The following CRADD variants were observed in gnomAD, a reference collection of about 807,000 sequenced individuals.
The protein encoded by CRADD is CARD and death domain containing adaptor protein.
A neutral mutation model predicts 15.5 loss-of-function variants in CRADD; 9 were observed. That is an observed-to-expected ratio of 0.58 (90% CI 0.35 to 1.01). The LOEUF is 1.01. Ranked by LOEUF, CRADD falls within the 50% of genes least tolerant of loss-of-function variation. The pLI is 0.02. For synonymous variants in CRADD, 118 were observed against 107.6 expected (o/e 1.10, Z -0.60); for missense variants, 227 against 250.3 (o/e 0.91, Z 0.63).
chr12:93,809,408 T>C (rs1957593457), intron 2 of CRADD, among the ~76,000 whole-genome samples: 1 of 152,178 alleles, frequency 6.6e-6, no homozygotes, highest in Admixed American at 6.5e-5. Context: ...GGTAAAGATA[T>C]GGGGTTCTGG....
At chr12:93,741,953 A>G (rs1467975306) in intron 2 of CRADD, among the ~76,000 whole-genome samples, 1 of 152,134 alleles carries the variant, frequency 6.6e-6, no homozygotes, top group African/African-American at 2.4e-5. Context: ...CGTCTCCTCT[A>G]CACGCCATGA....
chr12:93,808,730 G>A (rs996522657), intron 2 of CRADD, among the ~76,000 whole-genome samples: 1 of 152,062 alleles, frequency 6.6e-6, no homozygotes, highest in African/African-American at 2.4e-5. Context: ...AGCCAATGCC[G>A]TTGAGTAGCT....
chr12:93,841,323 CTG>C (rs756813686), intron 2 of CRADD, among the ~76,000 whole-genome samples: 1 of 152,188 alleles, frequency 6.6e-6, no homozygotes, highest in Non-Finnish European at 1.5e-5. Flanking sequence ...GGAATAAAAA[CTG>C]TAGTATCCTC....
intron 2 of CRADD, among the ~76,000 whole-genome samples, chr12:93,892,632 GAC>G (rs1958584311): frequency 6.6e-6 from 1 of 152,164 alleles, no homozygotes; most frequent in African/African-American, 2.4e-5. Flanking sequence ...TGGGTGCCAG[GAC>G]AGTGATGCCT....
At chr12:93,707,380 G>C (rs752337685) in intron 2 of CRADD, among the ~76,000 whole-genome samples, 1 of 152,192 alleles carries the variant, frequency 6.6e-6, no homozygotes, top group African/African-American at 2.4e-5. Context: ...GTTTGTCTCT[G>C]ATCCACATGG....
intron 2 of CRADD, among the ~76,000 whole-genome samples, chr12:93,715,523 A>G (rs191834022): frequency 4.6e-5 from 7 of 152,286 alleles, no homozygotes; most frequent in Admixed American, 3.9e-4. Flanking sequence ...TTGTCAAAAA[A>G]CTATTTTTGG....
chr12:93,820,899 A>G (rs1222261562), intron 2 of CRADD, among the ~76,000 whole-genome samples: 2 of 152,142 alleles, frequency 1.3e-5, no homozygotes, highest in East Asian at 3.9e-4. Flanking sequence ...TGGCTGCATT[A>G]TCAAATAGCC....
intron 2 of CRADD, among the ~76,000 whole-genome samples, chr12:93,863,095 C>T (rs1167502895): frequency 1.3e-5 from 2 of 152,096 alleles, no homozygotes; most frequent in Non-Finnish European, 2.9e-5. Context: ...TATTATATGA[C>T]TTGTATCCTT....
At chr12:93,808,508 C>T (rs1478264592) in intron 2 of CRADD, among the ~76,000 whole-genome samples, 2 of 152,128 alleles carry the variant, frequency 1.3e-5, no homozygotes, top group African/African-American at 4.8e-5. Context: ...AGGGACACAG[C>T]AACACCACAT....
chr12:93,822,729 G>A lies in CRADD; in HGVS notation c.299-27241G>A, dbSNP rs192833543. ...AGTCTAGAAATGTTTAATGATACTT[G>A]ATGGTACTTCCTTTATCCATGTAAA... On this transcript the variant is annotated intron_variant, in intron 2 of 2. Coordinates refer to ENST00000332896, the MANE Select transcript of CRADD (RefSeq NM_003805.5). Among the ~76,000 whole-genome samples the A allele has an allele frequency of 3.0e-3, 456 of 152,276 alleles. 4 individuals carry two copies. Among genetic ancestry groups the A allele is most frequent in the African/African-American group, 0.01 (423 of 41,554 alleles).
chr12:93,878,016 C>T lies in CRADD; in HGVS notation c.299-16034C>T, dbSNP rs546466338. ...CACCCAAGGCCCCCAACATATTACC[C>T]GAGTGTTGCTACTGGTTATTCAGGG... On this transcript the variant is annotated intron_variant, in intron 2 of 2. Transcript: ENST00000548483. Among the ~76,000 whole-genome samples, 8 of 152,108 alleles carry T rather than the reference C, an allele frequency of 5.3e-5. No homozygotes were observed. The South Asian group carries it at 6.2e-4, about 12-fold the overall frequency.
intron 2 of CRADD, chr12:93,830,944 C>T (rs542071424): frequency 1.3e-5 from 2 of 152,338 alleles, no homozygotes; most frequent in East Asian, 3.8e-4. Flanking sequence ...TAGCAGGCCT[C>T]AATTAATATT....
At chr12:93,865,844 G>T (rs1237597038) in intron 2 of CRADD, among the ~76,000 whole-genome samples, 4 of 151,138 alleles carry the variant, frequency 2.6e-5, no homozygotes, top group Admixed American at 6.6e-5. Flanking sequence ...GTATATTTTT[G>T]ATTCACAGTT....
At chr12:93,705,449 G>C (rs770369566) in intron 2 of CRADD, among the ~76,000 whole-genome samples, 4 of 152,154 alleles carry the variant, frequency 2.6e-5, no homozygotes, top group Non-Finnish European at 5.9e-5. Context: ...ACAGTCTCCT[G>C]TCTGCCTTGA....
chr12:93,869,641 T>C (rs1958401608), intron 2 of CRADD, among the ~76,000 whole-genome samples: 1 of 151,930 alleles, frequency 6.6e-6, no homozygotes, highest in African/African-American at 2.4e-5. Context: ...ATACAATACC[T>C]GAAATGAAAA....
chr12:93,810,551 C>CAAAAAAAAAAAAAAAAA (rs56689824), intron 2 of CRADD, among the ~76,000 whole-genome samples: 2 of 39,028 alleles, frequency 5.1e-5, no homozygotes, highest in African/African-American at 9.2e-5. Flanking sequence ...AAATCAGTCT[C>CAAAAAAAAAAAAAAAAA]AAAAAAAAAA....
At chr12:93,877,775 C>A (rs1958467235) in intron 2 of CRADD, among the ~76,000 whole-genome samples, 1 of 152,072 alleles carries the variant, frequency 6.6e-6, no homozygotes, top group Admixed American at 6.6e-5. Flanking sequence ...CAGGACAGGT[C>A]CAGAAATGCC....
At chr12:93,860,125 A>G (rs1958307882) in intron 2 of CRADD, among the ~76,000 whole-genome samples, 1 of 119,164 alleles carries the variant, frequency 8.4e-6, no homozygotes, top group African/African-American at 3.4e-5. Flanking sequence ...TAAGAGGCCA[A>G]CGCAAATTTG....
At chr12:93,810,843 G>T (rs1565923018) in intron 2 of CRADD, among the ~76,000 whole-genome samples, 1 of 152,128 alleles carries the variant, frequency 6.6e-6, no homozygotes, top group Non-Finnish European at 1.5e-5. Flanking sequence ...GTTAACTGAG[G>T]TACAAGTGTA....
Sources: allele counts gnomAD v4.1 joint callset (sites outside exome capture counted in the v4.1 genomes callset), GRCh38; gene constraint gnomAD v4.1.1; transcripts MANE v1.5; gene names NCBI Gene and HGNC (gene_info 2026-07-23, HGNC 2026-07-21).